The following DNTTIP1 variants were observed in gnomAD, a reference collection of about 807,000 sequenced individuals.
The protein encoded by DNTTIP1 is deoxynucleotidyltransferase terminal-interacting protein 1.
DNTTIP1 carries 22 observed loss-of-function variants against 52.9 expected under a neutral mutation model. That is an observed-to-expected ratio of 0.42 (90% confidence interval 0.30 to 0.59). The LOEUF is 0.59. Among genes scored for constraint, DNTTIP1 ranks in the 20% least tolerant of loss-of-function variants. DNTTIP1 has a pLI of 0.22. For synonymous variants in DNTTIP1, 136 were observed against 155.1 expected, an observed-to-expected ratio of 0.88 and a Z score of 0.92; for missense variants, 286 against 435.5, an observed-to-expected ratio of 0.66 and a Z score of 3.06.
In DNTTIP1 at chr20:45,811,238, C is replaced by T. The variant is rs200459284; in HGVS notation, c.*43C>T. The T allele has an allele frequency of 3.3e-5, 52 of 1,565,744 alleles. No individual in the cohort carries two copies. In the East Asian group the frequency reaches 1.1e-3, roughly 33 times the overall value. On this transcript the variant is annotated 3_prime_UTR_variant, in exon 13 of 13. Transcript: ENST00000372622. Reference sequence around the variant, plus strand: ...ACACTTGGCAGCCCTCCTCCAAAGCCCTCTTCCTCACGTGGCTGAGGCCAC... The same window carrying T: ...ACACTTGGCAGCCCTCCTCCAAAGCTCTCTTCCTCACGTGGCTGAGGCCAC...
chr20:45,804,291 C>T (rs2145703837), intron 8 of DNTTIP1, among the ~76,000 whole-genome samples: 1 of 152,228 alleles, frequency 6.6e-6, no homozygotes, highest in East Asian at 1.9e-4. Flanking sequence ...CTCCCTACAC[C>T]CAGTCGAGTC....
chr20:45,806,360 A>AAAAAAAAC (rs1981646171), intron 10 of DNTTIP1, among the ~76,000 whole-genome samples: 1 of 150,998 alleles, frequency 6.6e-6, no homozygotes, highest in Non-Finnish European at 1.5e-5. Context: ...CATCTCAAAA[A>AAAAAAAAC]AAAAAAAATA....
At chr20:45,800,101 C>G (rs1321182181) in intron 4 of DNTTIP1, among the ~76,000 whole-genome samples, 1 of 147,786 alleles carries the variant, frequency 6.8e-6, no homozygotes. Flanking sequence ...GTCTGGGCAA[C>G]AGAGCAAGAT....
rs1981533137 is a variant in DNTTIP1 at position 45,803,322 on chromosome 20, C to T, written c.558-11C>T. 6.2e-7 allele frequency: 1 copy of T among 1,614,126 alleles called. No homozygotes were observed. Among genetic ancestry groups the T allele is most frequent in the East Asian group, 2.2e-5 (1 of 44,880 alleles). ...TTGGAGAATTCACCTTTATTCTTTC[C>T]TTCCAAGCAGATGGAAACCAAAATC... is the stretch of plus-strand genomic sequence containing the variant. On this transcript the variant is annotated splice_polypyrimidine_tract_variant and intron_variant, in intron 7 of 12. Coordinates refer to ENST00000372622, the MANE Select transcript of DNTTIP1 (RefSeq NM_052951.3).
chr20:45,805,265 A>G, intron 9 of DNTTIP1, 41 bp from the exon 10 acceptor site: 1 of 1,614,076 alleles, frequency 6.2e-7, no homozygotes, highest in Non-Finnish European at 8.5e-7. Context: ...TAGTAGGACT[A>G]CACTTTCTGG....
At chr20:45,793,199 G>GTGAA (rs1397788457) in intron 2 of DNTTIP1, among the ~76,000 whole-genome samples, 2 of 152,218 alleles carry the variant, frequency 1.3e-5, no homozygotes, top group African/African-American at 4.8e-5. Flanking sequence ...GCTGATAGTG[G>GTGAA]TGAAATGGAT....
intron 11 of DNTTIP1, among the ~76,000 whole-genome samples, chr20:45,810,575 C>CTTTTTTTTTTTTTTTTT (rs57338956): frequency 5.6e-5 from 7 of 124,136 alleles, no homozygotes; most frequent in African/African-American, 6.4e-5. Flanking sequence ...TTCTTTTTTT[C>CTTTTTTTTTTTTTTTTT]TTTTTTTTTT....
chr20:45,806,955 G>A (rs1291675430), intron 10 of DNTTIP1, among the ~76,000 whole-genome samples: 2 of 152,148 alleles, frequency 1.3e-5, no homozygotes, highest in Admixed American at 6.5e-5. Context: ...GTGGTTTAAA[G>A]TATGGCTTCA....
At chr20:45,804,409 G>A (rs1981569976) in intron 8 of DNTTIP1, among the ~76,000 whole-genome samples, 1 of 151,920 alleles carries the variant, frequency 6.6e-6, no homozygotes, top group African/African-American at 2.4e-5. Context: ...CTTTATCACA[G>A]CGGCCTCTAA....
intron 10 of DNTTIP1, among the ~76,000 whole-genome samples, chr20:45,806,224 C>T (rs1601031411): frequency 2.0e-5 from 3 of 152,022 alleles, no homozygotes; most frequent in South Asian, 2.1e-4. Context: ...GGCATGATGG[C>T]GCATGCCTGT....
chr20:45,801,164 G>A (rs1480348411), intron 5 of DNTTIP1, 22 bp downstream of exon 5: 3 of 1,611,898 alleles, frequency 1.9e-6, no homozygotes, highest in Non-Finnish European at 2.5e-6. Context: ...TGTGTTCTCG[G>A]GTATTGGAGC....
intron 4 of DNTTIP1, among the ~76,000 whole-genome samples, chr20:45,800,239 A>G (rs1019697617): frequency 3.3e-5 from 5 of 152,192 alleles, no homozygotes; most frequent in Admixed American, 3.3e-4. Context: ...AAGAATTTAC[A>G]TTGAAACATT....
chr20:45,796,128 A>C (rs1432559214), intron 4 of DNTTIP1, among the ~76,000 whole-genome samples: 1 of 152,140 alleles, frequency 6.6e-6, no homozygotes, highest in Non-Finnish European at 1.5e-5. Context: ...TTATAAGATG[A>C]ACAAGTTCTG....
chr20:45,792,848 A>G (rs1184460548), intron 2 of DNTTIP1, 101 bp downstream of exon 2: 3 of 1,064,672 alleles, frequency 2.8e-6, no homozygotes, highest in Middle Eastern at 3.0e-4. Context: ...CAGCCGGTAG[A>G]AAGAGCACAG....
At position 45,811,268 on chromosome 20, in the gene DNTTIP1, G is replaced by A; in HGVS notation, c.*73G>A. On this transcript the variant is annotated 3_prime_UTR_variant, in exon 13 of 13. Transcript: ENST00000372622. Reference sequence around the variant, plus strand: ...TCCTCACGTGGCTGAGGCCACCGCTGGGACTGCTCCTAGATGGATCTCAGC... The same window carrying A: ...TCCTCACGTGGCTGAGGCCACCGCTAGGACTGCTCCTAGATGGATCTCAGC... The A allele has an allele frequency of 6.6e-7, 1 of 1,526,308 alleles. No homozygotes were observed. The highest frequency in any genetic ancestry group is 8.8e-7 in the Non-Finnish European group (1 of 1,138,794). 94.5% of individuals were successfully genotyped at this position (1,526,308 alleles called of 1,614,324 possible).
chr20:45,797,171 G>C (rs1981268869), intron 4 of DNTTIP1, among the ~76,000 whole-genome samples: 1 of 152,176 alleles, frequency 6.6e-6, no homozygotes, highest in Non-Finnish European at 1.5e-5. Flanking sequence ...AGATGAATTA[G>C]ATCATGTCAC....
chr20:45,803,070 G>T (rs1442783978), intron 7 of DNTTIP1: 1 of 445,332 alleles, frequency 2.2e-6, no homozygotes. Context: ...TGCTGTTTTT[G>T]TCTCTTTTGA....
intron 7 of DNTTIP1, chr20:45,802,998 T>A (rs1981522698): frequency 7.5e-6 from 2 of 266,052 alleles, no homozygotes; most frequent in Admixed American, 9.4e-5. Flanking sequence ...CTGTCATACC[T>A]TAGATGTGTC....
At chr20:45,795,503 G>A in intron 4 of DNTTIP1, 60 bp downstream of exon 4, 1 of 1,103,212 alleles carries the variant, frequency 9.1e-7, no homozygotes, top group East Asian at 2.6e-5. Context: ...CCTCTGATAA[G>A]AAATGCGATC....
Sources: allele counts gnomAD v4.1 joint callset (sites outside exome capture counted in the v4.1 genomes callset), GRCh38; gene constraint gnomAD v4.1.1; transcripts MANE v1.5; gene names NCBI Gene and HGNC (gene_info 2026-07-23, HGNC 2026-07-21).